MOB3B: variants seen among roughly 807,000 people sequenced by gnomAD.
MOB3B encodes the protein MOB kinase activator 3B, also known as MOB kinase activator-like 2B.
Under a neutral mutation model 18.7 loss-of-function variants are expected in MOB3B, and 7 were observed. That is an observed-to-expected ratio of 0.37 (90% CI 0.21 to 0.70). The LOEUF (loss-of-function observed/expected upper bound fraction) is 0.70, where lower values mean the gene tolerates loss of function less well. MOB3B is among the 30% of genes least tolerant of loss of function. The pLI, the probability that MOB3B is intolerant of heterozygous loss-of-function variation, is 0.52. For missense variants in MOB3B, 253 were observed against 281.3 expected (o/e 0.90, Z 0.72); for synonymous variants, 111 against 99.9 (o/e 1.11, Z -0.66).
At chr9:27,368,910 C>A (rs571881350) in intron 2 of MOB3B, among the ~76,000 whole-genome samples, 63 of 152,198 alleles carry the variant, frequency 4.1e-4, no homozygotes, top group Non-Finnish European at 7.3e-4. Context: ...GCATCCCCAG[C>A]TCCCAGATGG....
chr9:27,379,821 T>G (rs1403331724), intron 2 of MOB3B, among the ~76,000 whole-genome samples: 1 of 152,228 alleles, frequency 6.6e-6, no homozygotes, highest in Non-Finnish European at 1.5e-5. Flanking sequence ...TAACTATTTC[T>G]TTGGTCTAAA....
At chr9:27,347,078 G>A (rs1821039541) in intron 3 of MOB3B, among the ~76,000 whole-genome samples, 1 of 152,184 alleles carries the variant, frequency 6.6e-6, no homozygotes, top group Non-Finnish European at 1.5e-5. Context: ...TGTTATTCTG[G>A]ATCCACAACA....
chr9:27,521,508 G>T (rs961882515), intron 1 of MOB3B, among the ~76,000 whole-genome samples: 1 of 152,182 alleles, frequency 6.6e-6, no homozygotes. Context: ...TAAATTGGGA[G>T]ACCAACACTT....
At chr9:27,491,263 C>T (rs902587035) in intron 1 of MOB3B, among the ~76,000 whole-genome samples, 5 of 152,100 alleles carry the variant, frequency 3.3e-5, no homozygotes, top group African/African-American at 4.8e-5. Context: ...GAATTTGGCA[C>T]AAGTTCCACA....
chr9:27,388,787 G>A (rs1479130562), intron 2 of MOB3B, among the ~76,000 whole-genome samples: 1 of 151,858 alleles, frequency 6.6e-6, no homozygotes, highest in African/African-American at 2.4e-5. Flanking sequence ...ACGTGCCTTG[G>A]CCATCTCCCT....
At chr9:27,430,054 G>A (rs954663615) in intron 2 of MOB3B, among the ~76,000 whole-genome samples, 2 of 152,192 alleles carry the variant, frequency 1.3e-5, no homozygotes, top group African/African-American at 2.4e-5. Flanking sequence ...TGCCTTCTAA[G>A]GGCTTCCCAG....
chr9:27,355,478 G>A (rs769091627), intron 3 of MOB3B, among the ~76,000 whole-genome samples: 12 of 151,928 alleles, frequency 7.9e-5, no homozygotes, highest in Non-Finnish European at 1.2e-4. Context: ...TCCTTTGAGG[G>A]TCAAAAATGG....
intron 2 of MOB3B, among the ~76,000 whole-genome samples, chr9:27,365,036 T>G (rs1490224812): frequency 6.6e-6 from 1 of 152,156 alleles, no homozygotes; most frequent in Admixed American, 6.6e-5. Context: ...TATACTTTGA[T>G]TCCACCTTTG....
chr9:27,513,773 T>G (rs1002069689), intron 1 of MOB3B, among the ~76,000 whole-genome samples: 12 of 152,144 alleles, frequency 7.9e-5, no homozygotes, highest in Admixed American at 4.6e-4. Context: ...GCCTGGTAAT[T>G]TTGTTATTGT....
At chr9:27,485,412 G>A (rs183134744) in intron 1 of MOB3B, among the ~76,000 whole-genome samples, 58 of 152,252 alleles carry the variant, frequency 3.8e-4, no homozygotes, top group African/African-American at 1.3e-3. Flanking sequence ...TTCCTTTCTA[G>A]GACTCAAGGC....
rs56064443 is a variant in MOB3B at position 27,357,121 on chromosome 9, A to AATATATATATATATATATATAT, written c.621+1891_621+1912dup. Among the ~76,000 whole-genome samples the AATATATATATATATATATATAT allele has an allele frequency of 1.1e-3, 70 of 62,874 alleles. 3 individuals carry two copies. The highest frequency in any genetic ancestry group is 0.01 in the South Asian group (10 of 1,000). 41.2% of individuals were successfully genotyped at this position (62,874 alleles called of 152,430 possible). A position where few individuals can be genotyped will look rare whatever the true frequency, so the allele number is the denominator to read the frequency against. Reference sequence around the variant, plus strand: ...TGTTCCAGGACTACTGAGTAATGCAAATATATATATATATATATATATATG... The same window carrying AATATATATATATATATATATAT: ...TGTTCCAGGACTACTGAGTAATGCAAATATATATATATATATATATATATATATATATATATATATATATATG... On this transcript the variant is annotated intron_variant, in intron 3 of 3. Coordinates refer to ENST00000262244, the MANE Select transcript of MOB3B (RefSeq NM_024761.5).
chr9:27,488,982 A>G (rs573000897), intron 1 of MOB3B, among the ~76,000 whole-genome samples: 1 of 152,362 alleles, frequency 6.6e-6, no homozygotes, highest in East Asian at 1.9e-4. Flanking sequence ...TACACAGACT[A>G]AAAGAGTGAG....
intron 2 of MOB3B, among the ~76,000 whole-genome samples, chr9:27,391,057 A>G (rs1821721004): frequency 6.6e-6 from 1 of 152,222 alleles, no homozygotes; most frequent in African/African-American, 2.4e-5. Flanking sequence ...AACAGAATAA[A>G]TCAGAAAAAA....
chr9:27,408,252 A>G (rs1403106026), intron 2 of MOB3B, among the ~76,000 whole-genome samples: 1 of 152,186 alleles, frequency 6.6e-6, no homozygotes, highest in African/African-American at 2.4e-5. Flanking sequence ...CACGTCTGAA[A>G]CACTCAGCAA....
intron 1 of MOB3B, among the ~76,000 whole-genome samples, chr9:27,470,114 G>GGAAAAA (rs1554651384): frequency 2.4e-5 from 3 of 125,968 alleles, no homozygotes; most frequent in Non-Finnish European, 4.8e-5. Flanking sequence ...TCTCTTAAAA[G>GGAAAAA]AAAAAAAAAA....
In MOB3B at chr9:27,524,907, A is replaced by C. The variant is rs776673084; in HGVS notation, c.-199+4648T>G. The C allele has an allele frequency of 1.9e-6, 3 of 1,610,906 alleles. No individual in the cohort carries two copies. The South Asian group carries it at 3.3e-5, about 18-fold the overall frequency. On this transcript the variant is annotated intron_variant, in intron 1 of 3. Transcript: ENST00000262244. ...CTGGGAGATTGTCCGAGTGGAAATC[A>C]GAAGATGTTTGTATTACTTTTACAA...
rs887271040 is a variant in MOB3B, at chr9:27,509,883, T to A, written c.-199+19672A>T. On this transcript the variant is annotated intron_variant, in intron 1 of 3. Coordinates refer to ENST00000262244, the MANE Select transcript of MOB3B (RefSeq NM_024761.5). ...GGGATTACAGGCGCGCAGCACCGCGTCCGGCTAATTTTTGTATTTTTAGTA... is the reference window on the plus strand; with the variant it reads ...GGGATTACAGGCGCGCAGCACCGCGACCGGCTAATTTTTGTATTTTTAGTA... Among the ~76,000 whole-genome samples the A allele has an allele frequency of 1.3e-5, 2 of 152,082 alleles. 1 individual carries two copies. Among genetic ancestry groups the A allele is most frequent in the South Asian group, 4.2e-4 (2 of 4,812 alleles).
chr9:27,367,029 ACT>A (rs1364376852), intron 2 of MOB3B, among the ~76,000 whole-genome samples: 2 of 152,042 alleles, frequency 1.3e-5, no homozygotes, highest in Non-Finnish European at 2.9e-5. Flanking sequence ...CAGACTGGCC[ACT>A]CTGTGAGAGC....
chr9:27,458,022 G>A (rs925799486), intron 1 of MOB3B, among the ~76,000 whole-genome samples: 6 of 152,192 alleles, frequency 3.9e-5, no homozygotes, highest in African/African-American at 1.4e-4. Flanking sequence ...AAAGGGTGGT[G>A]AGGACTTGTT....
Sources: gnomAD v4.1 joint callset for allele counts (sites outside exome capture counted in the v4.1 genomes callset) on GRCh38, gnomAD v4.1.1 for gene constraint, MANE v1.5 for transcripts, NCBI Gene and HGNC (gene_info 2026-07-23, HGNC 2026-07-21) for gene names.